Variants in PDE8B observed in about 807,000 individuals in gnomAD.
PDE8B encodes phosphodiesterase 8B, also known as high affinity cAMP-specific and IBMX-insensitive 3',5'-cyclic phosphodiesterase 8B.
A neutral mutation model predicts 101.3 loss-of-function variants in PDE8B; 26 were observed. That is an observed-to-expected ratio of 0.26 (90% CI 0.19 to 0.36). The LOEUF (loss-of-function observed/expected upper bound fraction) is 0.36, where lower values mean the gene tolerates loss of function less well. Among genes scored for constraint, PDE8B ranks in the 10% least tolerant of loss-of-function variants. The probability of loss-of-function intolerance (pLI) is 1.00; values close to 1 mark genes in which losing one functional copy is unlikely to be tolerated. For missense variants in PDE8B, 810 were observed against 1,163.1 expected (o/e 0.70, Z 4.42); for synonymous variants, 424 against 429.3 (o/e 0.99, Z 0.15).
the PDE8B span, chr5:77,140,461 G>A: frequency 1.3e-5 from 2 of 152,162 alleles, no homozygotes; most frequent in African/African-American, 4.8e-5. Context: ...TCCAAACCCT[G>A]CAGAGGCTAC....
At chr5:77,191,242 GA>G in the PDE8B span, among the ~76,000 whole-genome samples, 5 of 150,970 alleles carry the variant, frequency 3.3e-5, no homozygotes, top group African/African-American at 1.2e-4. Context: ...TGACAGTTAG[GA>G]CTTCAACTTA....
chr5:77,419,710 A>G, intron 18 of PDE8B, 57 bp from the exon 19 acceptor site: 3 of 1,605,136 alleles, frequency 1.9e-6, no homozygotes, highest in Non-Finnish European at 1.7e-6. Context: ...TGGTGGCAGA[A>G]TAGTTATAAT....
chr5:77,172,863 T>C, the PDE8B span, among the ~76,000 whole-genome samples: 1 of 152,194 alleles, frequency 6.6e-6, no homozygotes, highest in East Asian at 1.9e-4. Flanking sequence ...TACTTGTTTC[T>C]GGCTTCCATC....
the PDE8B span, among the ~76,000 whole-genome samples, chr5:77,162,636 T>C: frequency 0.12 from 18,867 of 152,142 alleles, 3,061 homozygotes; most frequent in African/African-American, 0.38. Context: ...GACCAAATAA[T>C]CTTGATGTTA....
At chr5:77,194,499 T>C in the PDE8B span, among the ~76,000 whole-genome samples, 1 of 152,202 alleles carries the variant, frequency 6.6e-6, no homozygotes, top group Non-Finnish European at 1.5e-5. Flanking sequence ...GTATTAAGTA[T>C]GTGCACAATG....
At chr5:77,093,647 G>A in the PDE8B span, among the ~76,000 whole-genome samples, 1 of 152,266 alleles carries the variant, frequency 6.6e-6, no homozygotes, top group African/African-American at 2.4e-5. Flanking sequence ...TTCCTTTTCA[G>A]TTAGGGCTCA....
chr5:77,425,592 T>C (rs1484167252), intron 20 of PDE8B, among the ~76,000 whole-genome samples, 175 bp from the exon 21 acceptor site: 1 of 152,160 alleles, frequency 6.6e-6, no homozygotes, highest in African/African-American at 2.4e-5. Context: ...AAGGTCTGAG[T>C]GTAGTCAGTG....
intron 4 of PDE8B, among the ~76,000 whole-genome samples, chr5:77,330,378 G>T (rs1172535486): frequency 2.0e-5 from 3 of 152,160 alleles, no homozygotes; most frequent in Non-Finnish European, 4.4e-5. Context: ...TGATGTCACC[G>T]ATTTTTCCTG....
At chr5:77,281,343 A>G (rs2149849471) in intron 1 of PDE8B, among the ~76,000 whole-genome samples, 1 of 152,306 alleles carries the variant, frequency 6.6e-6, no homozygotes, top group South Asian at 2.1e-4. Flanking sequence ...TTGTTGCTGC[A>G]ACAAATTGCC....
At chr5:77,327,941 A>G (rs1319391665) in intron 3 of PDE8B, among the ~76,000 whole-genome samples, 1 of 152,192 alleles carries the variant, frequency 6.6e-6, no homozygotes, top group Non-Finnish European at 1.5e-5. Context: ...AGGTCATAAA[A>G]TGTTGGAGTT....
intron 1 of PDE8B, among the ~76,000 whole-genome samples, chr5:77,255,312 C>T (rs1304584256): frequency 6.6e-6 from 1 of 152,188 alleles, no homozygotes; most frequent in Non-Finnish European, 1.5e-5. Context: ...GAGTATATTT[C>T]GTGTCCTGGC....
At chr5:77,399,744 C>T (rs1436692666) in intron 10 of PDE8B, among the ~76,000 whole-genome samples, 1 of 152,194 alleles carries the variant, frequency 6.6e-6, no homozygotes, top group Non-Finnish European at 1.5e-5. Context: ...ATCTAAAGTT[C>T]AGATCTCATC....
In PDE8B at chr5:77,409,129, CTG is replaced by C. The variant is rs1794055595; in HGVS notation, c.1530+74_1530+75del. On this transcript the variant is annotated intron_variant, in intron 14 of 21. Transcript: ENST00000264917. ...CTCTAGAGTGCAGCTGATGTGGAAA[CTG>C]TTACCTGTGGTTGCAGAAGTACCTG... is the stretch of plus-strand genomic sequence containing the variant. The C allele has an allele frequency of 1.6e-5, 21 of 1,308,388 alleles. No homozygotes were observed. The South Asian group carries it at 2.5e-4, about 16-fold the overall frequency. The allele number at this position is 1,308,388 out of a possible 1,614,324, so 81.0% of individuals were successfully genotyped here.
chr5:77,137,944 A>G, the PDE8B span, among the ~76,000 whole-genome samples: 7 of 152,212 alleles, frequency 4.6e-5, no homozygotes, highest in Non-Finnish European at 5.9e-5. Context: ...ACCCAGAAGC[A>G]CTGGAAATAA....
intron 1 of PDE8B, among the ~76,000 whole-genome samples, chr5:77,239,860 G>A (rs555347659): frequency 6.6e-6 from 1 of 152,014 alleles, no homozygotes; most frequent in Non-Finnish European, 1.5e-5. Flanking sequence ...GGCTTTTAAA[G>A]CATGTTTGTT....
At chr5:77,264,232 T>A (rs1229894281) in intron 1 of PDE8B, among the ~76,000 whole-genome samples, 2 of 152,260 alleles carry the variant, frequency 1.3e-5, no homozygotes, top group Non-Finnish European at 2.9e-5. Context: ...ATATGAACAA[T>A]CATGTACAAC....
At chr5:77,349,680 C>A (rs1780742013) in intron 8 of PDE8B, 121 bp downstream of exon 8, 3 of 1,152,622 alleles carry the variant, frequency 2.6e-6, no homozygotes, top group Admixed American at 3.9e-5. Context: ...AGTGAAAGAT[C>A]TATTATGTTT....
At chr5:77,359,391 G>A (rs1782703696) in intron 10 of PDE8B, among the ~76,000 whole-genome samples, 1 of 152,220 alleles carries the variant, frequency 6.6e-6, no homozygotes, top group African/African-American at 2.4e-5. Context: ...AGAGGAGGCT[G>A]CCTAGTTTCA....
At chr5:77,092,064 T>C in the PDE8B span, among the ~76,000 whole-genome samples, 1 of 152,350 alleles carries the variant, frequency 6.6e-6, no homozygotes, top group South Asian at 2.1e-4. Flanking sequence ...AATGGCTACA[T>C]ATTTTTGAAA....
Sources: allele counts gnomAD v4.1 joint callset (sites outside exome capture counted in the v4.1 genomes callset), GRCh38; gene constraint gnomAD v4.1.1; transcripts MANE v1.5; gene names NCBI Gene and HGNC (gene_info 2026-07-23, HGNC 2026-07-21).